The following CNTLN variants were observed in gnomAD, a reference collection of about 807,000 sequenced individuals.
The protein encoded by CNTLN is centlein, also known as centlein, centrosomal protein.
Under a neutral mutation model 180.0 loss-of-function variants are expected in CNTLN, and 212 were observed. The ratio of observed to expected loss-of-function variants is 1.18; its 90% CI spans 1.05 to 1.32. CNTLN has a LOEUF of 1.32. Among genes scored for constraint, CNTLN ranks in the 40% most tolerant of loss-of-function variants. The probability of loss-of-function intolerance (pLI) is 0.00; values close to 1 mark genes in which losing one functional copy is unlikely to be tolerated. For synonymous variants in CNTLN, 722 were observed against 563.1 expected (o/e 1.28, Z -3.99); for missense variants, 2,095 against 1,610.9 (o/e 1.30, Z -5.14).
chr9:17,146,779 T>A (rs1449999632), intron 2 of CNTLN, among the ~76,000 whole-genome samples: 1 of 152,174 alleles, frequency 6.6e-6, no homozygotes, highest in African/African-American at 2.4e-5. Context: ...AGAAATCAAA[T>A]TATTACTTCT....
chr9:17,413,126 A>G (rs1412253543), intron 16 of CNTLN, among the ~76,000 whole-genome samples: 4 of 124,532 alleles, frequency 3.2e-5, no homozygotes, highest in African/African-American at 5.0e-5. Flanking sequence ...GATCCACATA[A>G]GTATGAACAA....
intron 18 of CNTLN, among the ~76,000 whole-genome samples, chr9:17,454,609 A>G (rs890720904): frequency 1.3e-5 from 2 of 152,232 alleles, no homozygotes; most frequent in South Asian, 2.1e-4. Context: ...CTCAGACACT[A>G]TGTAGTAGCC....
chr9:17,282,044 C>T (rs1303134296), intron 6 of CNTLN, among the ~76,000 whole-genome samples: 1 of 152,188 alleles, frequency 6.6e-6, no homozygotes, highest in Admixed American at 6.5e-5. Flanking sequence ...CTCACTGCAA[C>T]TTATGCCTCC....
chr9:17,182,952 T>C (rs1821212920), intron 2 of CNTLN, among the ~76,000 whole-genome samples: 1 of 152,250 alleles, frequency 6.6e-6, no homozygotes, highest in Admixed American at 6.5e-5. Context: ...ATGCAGTTAC[T>C]CACGAAAACA....
chr9:17,242,933 T>TGG lies in CNTLN; in HGVS notation c.849+6345_849+6346insGG, dbSNP rs1825584979. 3.3e-5 allele frequency among the ~76,000 whole-genome samples: 5 copies of TGG among 152,300 alleles called. No individual in the cohort carries two copies. In the South Asian group the frequency reaches 1.0e-3, roughly 32 times the overall value. ...GAGCAGGATTGGTGTTAGCTCTTATTTAAAAGTTTGGTAGAAATCAGCGGT... is the reference window on the plus strand; with the variant it reads ...GAGCAGGATTGGTGTTAGCTCTTATTGGTAAAAGTTTGGTAGAAATCAGCGGT... On this transcript the variant is annotated intron_variant, in intron 5 of 25. Coordinates refer to ENST00000380647, the MANE Select transcript of CNTLN (RefSeq NM_017738.4).
chr9:17,379,388 C>T (rs573330230), intron 13 of CNTLN, among the ~76,000 whole-genome samples: 2 of 151,048 alleles, frequency 1.3e-5, no homozygotes, highest in African/African-American at 2.4e-5. Flanking sequence ...GATCTCTCCT[C>T]TATGACACTT....
chr9:17,275,172 G>A (rs77058496), intron 6 of CNTLN, among the ~76,000 whole-genome samples: 3,361 of 152,076 alleles, frequency 0.022, 48 homozygotes, highest in Middle Eastern at 0.096. Flanking sequence ...ATTGCATAGC[G>A]TTTAGTCTTT....
At chr9:17,457,081 G>T (rs919448602) in intron 18 of CNTLN, among the ~76,000 whole-genome samples, 7 of 152,096 alleles carry the variant, frequency 4.6e-5, no homozygotes, top group African/African-American at 1.7e-4. Flanking sequence ...GTTGCTAAAT[G>T]AGAAGCATTT....
chr9:17,302,207 T>C (rs1173791803), intron 7 of CNTLN, among the ~76,000 whole-genome samples: 1 of 151,918 alleles, frequency 6.6e-6, no homozygotes, highest in Non-Finnish European at 1.5e-5. Flanking sequence ...ATTCACTTTT[T>C]TTTTTTTTTG....
chr9:17,212,432 T>C (rs138480879), intron 2 of CNTLN, among the ~76,000 whole-genome samples: 2,044 of 152,340 alleles, frequency 0.013, 49 homozygotes, highest in African/African-American at 0.047. Flanking sequence ...ATAAGCTTTT[T>C]GATGTGCTGC....
chr9:17,295,221 T>G (rs1039885362), intron 6 of CNTLN, among the ~76,000 whole-genome samples: 1 of 151,848 alleles, frequency 6.6e-6, no homozygotes, highest in Non-Finnish European at 1.5e-5. Context: ...CCTCCACACC[T>G]CCCTGCAAGC....
rs1050136543 is a variant in CNTLN at position 17,377,273 on chromosome 9, C to T, written c.1987+10556C>T. On this transcript the variant is annotated intron_variant, in intron 13 of 25. Coordinates refer to ENST00000380647, the MANE Select transcript of CNTLN (RefSeq NM_017738.4). ...ATAAAATTCAAAGTATTACTAGGCG[C>T]GGTGGCTCACGCCTGTAATCCTAGC... Among the ~76,000 whole-genome samples the T allele has an allele frequency of 5.3e-5, 8 of 152,130 alleles. No individual in the cohort carries two copies. In the East Asian group the frequency reaches 1.5e-3, roughly 29 times the overall value.
chr9:17,519,564 A>C, the CNTLN span, among the ~76,000 whole-genome samples: 2 of 152,206 alleles, frequency 1.3e-5, no homozygotes, highest in African/African-American at 4.8e-5. Flanking sequence ...AACTGTTGTA[A>C]ATACATGGGA....
Position 17,135,430 on chromosome 9 carries a change from C to G in CNTLN, c.360+5C>G. The G allele has an allele frequency of 6.3e-7, 1 of 1,591,102 alleles. No individual in the cohort carries two copies. The highest frequency in any genetic ancestry group is 1.1e-5 in the South Asian group (1 of 86,982). ...GAGGAGTTGGCCCTGTGTCAGGTAT[C>G]GAGGAGTCTCGCAGTCCCCCTTTCC... On this transcript the variant is annotated splice_donor_5th_base_variant and intron_variant, in intron 1 of 25. Coordinates refer to ENST00000380647, the MANE Select transcript of CNTLN (RefSeq NM_017738.4).
chr9:17,521,265 A>AAGAGAGAGAGAGAGAGAGAGAGAGAGAG, the CNTLN span, among the ~76,000 whole-genome samples: 4 of 118,600 alleles, frequency 3.4e-5, no homozygotes, highest in South Asian at 3.4e-4. Context: ...AAGGGAGAAA[A>AAGAGAGAGAGAGAGAGAGAGAGAGAGAG]AGAGAGAGAG....
At chr9:17,514,802 A>G in the CNTLN span, among the ~76,000 whole-genome samples, 3 of 152,210 alleles carry the variant, frequency 2.0e-5, no homozygotes, top group Non-Finnish European at 2.9e-5. Flanking sequence ...ATACAGAATT[A>G]TTGTGACTGT....
intron 18 of CNTLN, among the ~76,000 whole-genome samples, chr9:17,455,119 T>G (rs939800871): frequency 2.0e-5 from 3 of 152,166 alleles, no homozygotes; most frequent in African/African-American, 7.2e-5. Context: ...AAGTAAGAAG[T>G]AGAATTTTTT....
At chr9:17,409,219 G>T (rs1374794576) in intron 15 of CNTLN, 74 bp from the exon 16 acceptor site, 4 of 1,321,506 alleles carry the variant, frequency 3.0e-6, no homozygotes, top group Admixed American at 4.4e-5. Context: ...AATATTATTT[G>T]GTCTTGAACT....
chr9:17,440,312 G>C (rs1338635598), intron 18 of CNTLN, among the ~76,000 whole-genome samples: 1 of 151,624 alleles, frequency 6.6e-6, no homozygotes, highest in Non-Finnish European at 1.5e-5. Flanking sequence ...GGTGGCTCAA[G>C]CCTGTAATCC....
Sources: gnomAD v4.1 joint callset for allele counts (sites outside exome capture counted in the v4.1 genomes callset) on GRCh38, gnomAD v4.1.1 for gene constraint, MANE v1.5 for transcripts, NCBI Gene and HGNC (gene_info 2026-07-23, HGNC 2026-07-21) for gene names.